The following UIMC1 variants were observed in gnomAD, a reference collection of about 807,000 sequenced individuals.
UIMC1 encodes the protein BRCA1-A complex subunit RAP80.
A neutral mutation model predicts 84.9 loss-of-function variants in UIMC1; 42 were observed. The ratio of observed to expected loss-of-function variants is 0.49; its 90% confidence interval spans 0.39 to 0.64. The LOEUF (loss-of-function observed/expected upper bound fraction) is 0.64. Ranked by LOEUF, UIMC1 falls within the 30% of genes least tolerant of loss-of-function variation. UIMC1 has a pLI of 0.00. For synonymous variants in UIMC1, 281 were observed against 293.0 expected (o/e 0.96, Z 0.42); for missense variants, 825 against 847.6 (o/e 0.97, Z 0.33).
intron 7 of UIMC1, 104 bp from the exon 8 acceptor site, chr5:176,956,139 A>G: frequency 9.6e-7 from 1 of 1,043,818 alleles, no homozygotes; most frequent in Non-Finnish European, 1.4e-6. Flanking sequence ...AATCACAGAT[A>G]CTTGCTGCCT....
At chr5:176,926,757 A>T (rs955897105) in intron 10 of UIMC1, among the ~76,000 whole-genome samples, 4 of 152,206 alleles carry the variant, frequency 2.6e-5, no homozygotes, top group African/African-American at 9.7e-5. Flanking sequence ...TGTAAAAAAT[A>T]TACATATGAG....
chr5:176,963,195 A>T (rs1767803680), intron 6 of UIMC1, among the ~76,000 whole-genome samples: 1 of 148,988 alleles, frequency 6.7e-6, no homozygotes, highest in Admixed American at 6.8e-5. Context: ...AAATTCAAAG[A>T]ATTATTATCA....
At chr5:176,905,661 G>A in intron 14 of UIMC1, 169 bp from the exon 15 acceptor site, 2 of 699,952 alleles carry the variant, frequency 2.9e-6, no homozygotes, top group East Asian at 2.7e-5. Context: ...AGGTCACTGG[G>A]TAAATCATAT....
chr5:176,909,460 G>C (rs1043157406), intron 11 of UIMC1, among the ~76,000 whole-genome samples: 1 of 152,124 alleles, frequency 6.6e-6, no homozygotes, highest in African/African-American at 2.4e-5. Flanking sequence ...GCTCCATTAG[G>C]AAGGAACTAG....
At chr5:176,975,511 G>T (rs770084843) in intron 2 of UIMC1, 31 bp from the exon 3 acceptor site, 1 of 1,609,636 alleles carries the variant, frequency 6.2e-7, no homozygotes, top group Non-Finnish European at 8.5e-7. Flanking sequence ...TCATCAGTGT[G>T]GCTGCCACTA....
chr5:176,965,894 A>G (rs1397610145), intron 6 of UIMC1, among the ~76,000 whole-genome samples: 1 of 152,334 alleles, frequency 6.6e-6, no homozygotes, highest in East Asian at 1.9e-4. Flanking sequence ...ATTACAATAA[A>G]TCATTAAGTG....
At chr5:176,990,011 T>A (rs1055075616) in intron 1 of UIMC1, among the ~76,000 whole-genome samples, 1 of 151,896 alleles carries the variant, frequency 6.6e-6, no homozygotes, top group Non-Finnish European at 1.5e-5. Context: ...AAACCCCGTC[T>A]CTACTAAAAA....
At chr5:176,972,679 C>A (rs193098082) in intron 3 of UIMC1, among the ~76,000 whole-genome samples, 1 of 151,940 alleles carries the variant, frequency 6.6e-6, no homozygotes, top group East Asian at 1.9e-4. Flanking sequence ...GAGGTTGCAG[C>A]GAGCCAAGAT....
At chr5:176,987,279 A>C (rs1772168714) in intron 1 of UIMC1, among the ~76,000 whole-genome samples, 1 of 152,180 alleles carries the variant, frequency 6.6e-6, no homozygotes, top group Non-Finnish European at 1.5e-5. Context: ...TCAATGCAGG[A>C]AACAAGTCAA....
At chr5:177,012,002 G>A (rs962533805) in intron 1 of UIMC1, among the ~76,000 whole-genome samples, 9 of 151,966 alleles carry the variant, frequency 5.9e-5, no homozygotes, top group East Asian at 1.9e-4. Flanking sequence ...GGATTTCACC[G>A]TGTTAGACAG....
upstream of UIMC1, among the ~76,000 whole-genome samples, chr5:177,008,846 T>G (rs375848498): frequency 3.3e-5 from 5 of 152,122 alleles, no homozygotes; most frequent in African/African-American, 1.2e-4. Flanking sequence ...CTATCTCAAG[T>G]TCTCAATTTG....
chr5:176,934,171 C>G (rs1237417840), intron 10 of UIMC1, among the ~76,000 whole-genome samples: 1 of 151,922 alleles, frequency 6.6e-6, no homozygotes, highest in Non-Finnish European at 1.5e-5. Context: ...TCACTAACAG[C>G]AGGATATGAA....
At chr5:177,002,264 G>C (rs183508601) in intron 1 of UIMC1, among the ~76,000 whole-genome samples, 2 of 152,194 alleles carry the variant, frequency 1.3e-5, no homozygotes, top group Non-Finnish European at 2.9e-5. Context: ...CTGCACTCCA[G>C]ACTGGTGACA....
intron 1 of UIMC1, among the ~76,000 whole-genome samples, chr5:177,000,902 C>T (rs186105563): frequency 4.3e-4 from 66 of 152,104 alleles, no homozygotes; most frequent in Admixed American, 1.6e-3. Context: ...TTATACATTC[C>T]GGTTATTAAT....
At position 176,970,972 on chromosome 5, in the gene UIMC1, C is replaced by T. The variant is rs755359720; in HGVS notation, c.233-106G>A. 15 of 1,372,390 alleles carry T rather than the reference C, an allele frequency of 1.1e-5. No homozygotes were observed. The Admixed American group carries it at 2.6e-4, about 24-fold the overall frequency. The allele number at this position is 1,372,390 out of a possible 1,614,324, so 85.0% of individuals were successfully genotyped here. ...CTTTTCAACTGAAGACACTACCAGA[C>T]CACTTAGTACAATTTTATAATCTTG... On this transcript the variant is annotated intron_variant, in intron 3 of 14. Coordinates refer to ENST00000511320, the MANE Select transcript of UIMC1 (RefSeq NM_001199298.2).
At chr5:176,959,504 C>G (rs1767037577) in intron 6 of UIMC1, among the ~76,000 whole-genome samples, 1 of 145,530 alleles carries the variant, frequency 6.9e-6, no homozygotes, top group African/African-American at 2.5e-5. Context: ...ATCACGAGGT[C>G]AGGAGATCGA....
At chr5:177,001,853 G>C (rs1420749978) in intron 1 of UIMC1, 1 of 151,470 alleles carries the variant, frequency 6.6e-6, no homozygotes, top group East Asian at 1.9e-4. Context: ...GGGAGGCTGA[G>C]GCAGGAGAAT....
intron 6 of UIMC1, among the ~76,000 whole-genome samples, chr5:176,967,443 T>A (rs1168442006): frequency 6.6e-6 from 1 of 152,076 alleles, no homozygotes; most frequent in Non-Finnish European, 1.5e-5. Flanking sequence ...AGATAAAGTA[T>A]CTTGGAAGGA....
chr5:176,952,767 A>AG (rs1766050224), intron 8 of UIMC1, among the ~76,000 whole-genome samples: 1 of 152,208 alleles, frequency 6.6e-6, no homozygotes, highest in Non-Finnish European at 1.5e-5. Context: ...ACTGCACTCC[A>AG]GCCTGAGTTA....
Sources: gnomAD v4.1 joint callset for allele counts (sites outside exome capture counted in the v4.1 genomes callset) on GRCh38, gnomAD v4.1.1 for gene constraint, MANE v1.5 for transcripts, NCBI Gene and HGNC (gene_info 2026-07-23, HGNC 2026-07-21) for gene names.